CSGALNACT1: variants seen among roughly 807,000 people sequenced by gnomAD.
CSGALNACT1 encodes beta4GalNAcT-1.
Under a neutral mutation model 51.0 loss-of-function variants are expected in CSGALNACT1, and 52 were observed. The ratio of observed to expected loss-of-function variants is 1.02; its 90% CI spans 0.82 to 1.29. The LOEUF is 1.29. Ranked by LOEUF, CSGALNACT1 falls within the 50% of genes most tolerant of loss-of-function variation. CSGALNACT1 has a pLI of 0.00. For missense variants in CSGALNACT1, 935 were observed against 679.2 expected (o/e 1.38, Z -4.19); for synonymous variants, 341 against 254.4 (o/e 1.34, Z -3.24).
In CSGALNACT1 at chr8:19,434,913, ATTTCCCCCAGAAAAT is replaced by A. The variant is rs2060152017; in HGVS notation, c.953+4902_953+4916del. On this transcript the variant is annotated intron_variant, in intron 6 of 9. Coordinates refer to ENST00000454498, the Ensembl canonical transcript of CSGALNACT1. ...ACAAACAAAAAGCCTGGAACAAACC[ATTTCCCCCAGAAAAT>A]AATCTTCCTGGGGGTATCTGTCAAA... 6.6e-5 allele frequency among the ~76,000 whole-genome samples: 10 copies of A among 152,230 alleles called. No homozygotes were observed. In the South Asian group the frequency reaches 2.1e-3, roughly 32 times the overall value.
At chr8:19,736,941 C>T (rs571878300) in intron 1 of CSGALNACT1, among the ~76,000 whole-genome samples, 6 of 151,878 alleles carry the variant, frequency 4.0e-5, no homozygotes, top group South Asian at 2.1e-4. Context: ...AAAAAAAATC[C>T]TCACTCACCA....
At chr8:19,692,514 G>T (rs1171279508) in intron 1 of CSGALNACT1, among the ~76,000 whole-genome samples, 5 of 152,292 alleles carry the variant, frequency 3.3e-5, no homozygotes, top group Admixed American at 3.3e-4. Flanking sequence ...GGATGAAAAT[G>T]ATCATTTTTC....
chr8:19,559,334 C>G (rs1318627925), intron 3 of CSGALNACT1, among the ~76,000 whole-genome samples: 1 of 152,094 alleles, frequency 6.6e-6, no homozygotes, highest in Non-Finnish European at 1.5e-5. Context: ...CACTTCTTTC[C>G]CATTAGATTA....
intron 3 of CSGALNACT1, among the ~76,000 whole-genome samples, chr8:19,513,508 C>T (rs1228113489): frequency 1.4e-5 from 2 of 143,176 alleles, no homozygotes; most frequent in Non-Finnish European, 1.5e-5. Context: ...TATATACAAC[C>T]AACACCTACA....
chr8:19,748,128 G>C (rs1157236583), intron 1 of CSGALNACT1, among the ~76,000 whole-genome samples: 1 of 152,158 alleles, frequency 6.6e-6, no homozygotes, highest in Non-Finnish European at 1.5e-5. Flanking sequence ...TATACGTATG[G>C]AGGTCCAAGA....
chr8:19,744,824 T>C (rs1200338985), intron 1 of CSGALNACT1, among the ~76,000 whole-genome samples: 2 of 152,202 alleles, frequency 1.3e-5, no homozygotes, highest in African/African-American at 4.8e-5. Context: ...TCCATACACC[T>C]TTATCAAGAA....
intron 4 of CSGALNACT1, among the ~76,000 whole-genome samples, chr8:19,477,738 G>C (rs1001731436): frequency 6.6e-6 from 1 of 152,164 alleles, no homozygotes; most frequent in Non-Finnish European, 1.5e-5. Context: ...TCTAAAATAA[G>C]AATGATCGTA....
intron 3 of CSGALNACT1, among the ~76,000 whole-genome samples, chr8:19,546,662 C>T (rs528644283): frequency 2.6e-5 from 4 of 152,324 alleles, no homozygotes; most frequent in Admixed American, 1.3e-4. Flanking sequence ...TCCCCCTACC[C>T]ATTCTTGGGA....
chr8:19,528,113 G>C (rs556974998), intron 3 of CSGALNACT1, among the ~76,000 whole-genome samples: 15 of 152,248 alleles, frequency 9.9e-5, no homozygotes, highest in Admixed American at 5.2e-4. Context: ...GGCTCTGCCT[G>C]AGTAGGTTTG....
At position 19,554,989 on chromosome 8, in the gene CSGALNACT1, C is replaced by A. The variant is rs142028993; in HGVS notation, c.-297+36171G>T. Among the ~76,000 whole-genome samples the A allele has an allele frequency of 9.4e-3, 1,422 of 151,746 alleles. 20 individuals are homozygous for A. The highest frequency in any genetic ancestry group is 0.032 in the African/African-American group (1,328 of 41,330). On this transcript the variant is annotated intron_variant, in intron 3 of 9. Transcript: ENST00000454498. ...GCGTGGTGGCTCATGCCTGTAATCC[C>A]AGCATTTAGGGACGCCGAGCGGGGG...
chr8:19,517,780 C>T (rs907324367), intron 3 of CSGALNACT1, among the ~76,000 whole-genome samples: 6 of 152,172 alleles, frequency 3.9e-5, no homozygotes, highest in Admixed American at 2.0e-4. Context: ...AAACCACACC[C>T]ATGATTCAAT....
intron 3 of CSGALNACT1, among the ~76,000 whole-genome samples, chr8:19,559,622 T>C (rs945230714): frequency 6.6e-6 from 1 of 152,048 alleles, no homozygotes; most frequent in Non-Finnish European, 1.5e-5. Context: ...GGAAACCAAT[T>C]AGCAATGTAG....
chr8:19,705,901 C>T lies in CSGALNACT1; in HGVS notation c.-297+51949G>A, dbSNP rs191714290. 2.0e-3 allele frequency among the ~76,000 whole-genome samples: 302 copies of T among 152,186 alleles called. 1 individual carries two copies. The highest frequency in any genetic ancestry group is 6.7e-3 in the African/African-American group (277 of 41,494). On this transcript the variant is annotated intron_variant, in intron 1 of 1. Transcript: ENST00000517494. ...AGCTGAATAATCGAATGACAGGGCA[C>T]GACTAATTTTCATTTTCTTTCATTT...
chr8:19,519,693 ACT>A (rs1156584540), intron 3 of CSGALNACT1, among the ~76,000 whole-genome samples: 2 of 152,132 alleles, frequency 1.3e-5, no homozygotes. Flanking sequence ...TGGGTGAGAC[ACT>A]CTGCTTTGGT....
chr8:19,537,234 C>T (rs2083957537), intron 3 of CSGALNACT1, among the ~76,000 whole-genome samples: 1 of 151,998 alleles, frequency 6.6e-6, no homozygotes, highest in African/African-American at 2.4e-5. Context: ...ACTACACTCC[C>T]CCTCCTTCTT....
intron 1 of CSGALNACT1, among the ~76,000 whole-genome samples, chr8:19,644,896 A>G (rs937945448): frequency 1.3e-5 from 2 of 152,174 alleles, no homozygotes; most frequent in African/African-American, 4.8e-5. Context: ...CTATATCCAT[A>G]AAAGTCTTAT....
chr8:19,441,143 C>T (rs970179313), intron 5 of CSGALNACT1, among the ~76,000 whole-genome samples: 2 of 152,118 alleles, frequency 1.3e-5, no homozygotes, highest in Non-Finnish European at 2.9e-5. Context: ...GTCATACTGC[C>T]CAAGGTAATT....
intron 1 of CSGALNACT1, among the ~76,000 whole-genome samples, chr8:19,638,120 A>G (rs1434482458): frequency 2.0e-5 from 3 of 152,156 alleles, no homozygotes; most frequent in African/African-American, 7.2e-5. Flanking sequence ...GTCTAAAATA[A>G]GCTAGGAGAC....
At chr8:19,665,487 G>A (rs549338081) in intron 1 of CSGALNACT1, among the ~76,000 whole-genome samples, 11 of 152,274 alleles carry the variant, frequency 7.2e-5, no homozygotes, top group Non-Finnish European at 1.0e-4. Flanking sequence ...CTCAGGCTGC[G>A]GGTAAACATT....
Sources: allele counts gnomAD v4.1 joint callset (sites outside exome capture counted in the v4.1 genomes callset), GRCh38; gene constraint gnomAD v4.1.1; transcripts MANE v1.5; gene names NCBI Gene and HGNC (gene_info 2026-07-23, HGNC 2026-07-21).